GLB1L3: variants seen among roughly 807,000 people sequenced by gnomAD.
GLB1L3 encodes the protein beta-galactosidase-1-like protein 3.
GLB1L3 carries 89 observed loss-of-function variants against 89.5 expected under a neutral mutation model. The ratio of observed to expected loss-of-function variants is 0.99; its 90% CI spans 0.84 to 1.19. The LOEUF (loss-of-function observed/expected upper bound fraction) is 1.19. GLB1L3 is among the 50% of genes most tolerant of loss of function. The pLI is 0.00. For missense variants in GLB1L3, 812 were observed against 813.3 expected, an observed-to-expected ratio of 1.00 and a Z score of 0.02; for synonymous variants, 314 against 312.3, an observed-to-expected ratio of 1.01 and a Z score of -0.06.
chr11:134,285,804 G>A (rs951072329), intron 6 of GLB1L3, among the ~76,000 whole-genome samples: 1 of 152,032 alleles, frequency 6.6e-6, no homozygotes, highest in African/African-American at 2.4e-5. Flanking sequence ...TGGATTTTTA[G>A]GTAGTAGTAG....
Position 134,304,643 on chromosome 11 carries a change from TA to T in GLB1L3, c.877-2473del, listed in dbSNP as rs528304075. 2.6e-3 allele frequency among the ~76,000 whole-genome samples: 403 copies of T among 152,118 alleles called. 2 individuals carry two copies. The highest frequency in any genetic ancestry group is 9.2e-3 in the African/African-American group (384 of 41,520). On this transcript the variant is annotated intron_variant, in intron 9 of 19. Transcript: ENST00000431683. ...TTAATATTTTCTATTTTATCTGCCT[TA>T]AAAAAAATCTTTGTTAGGTAATATT...
At chr11:134,302,016 T>G (rs374758705) in intron 9 of GLB1L3, among the ~76,000 whole-genome samples, 2 of 152,236 alleles carry the variant, frequency 1.3e-5, no homozygotes, top group Non-Finnish European at 2.9e-5. Context: ...TTATCAATTT[T>G]AATCATTACG....
intron 9 of GLB1L3, among the ~76,000 whole-genome samples, chr11:134,303,604 C>G (rs1232869313): frequency 6.6e-6 from 1 of 152,230 alleles, no homozygotes; most frequent in African/African-American, 2.4e-5. Flanking sequence ...ACAAGTGCCT[C>G]AGGGCAAGCA....
rs142258022 is a variant in GLB1L3 at position 134,310,728 on chromosome 11, G to A, written c.1180+77G>A. 1,070 of 1,134,312 alleles carry A rather than the reference G, an allele frequency of 9.4e-4. 12 individuals are homozygous for A. In the African/African-American group the frequency reaches 0.014, roughly 15 times the overall value. The allele number at this position is 1,134,312 out of a possible 1,614,324, so 70.3% of individuals were successfully genotyped here. On this transcript the variant is annotated intron_variant, in intron 12 of 19. Transcript: ENST00000431683. ...TGTTCTGTGGAAAAGTGAGGAAGGC[G>A]TGGGTCTCCCTTGTGGGCAGCAGTT...
At chr11:134,280,664 G>A (rs1210038691) in intron 3 of GLB1L3, among the ~76,000 whole-genome samples, 1 of 151,850 alleles carries the variant, frequency 6.6e-6, no homozygotes, top group East Asian at 1.9e-4. Context: ...AACAAGCTAC[G>A]TTGTTAAGCT....
intron 18 of GLB1L3, 133 bp downstream of exon 18, chr11:134,314,574 G>C: frequency 1.5e-6 from 1 of 685,132 alleles, no homozygotes. Flanking sequence ...CTCCAACCAA[G>C]CCTTCCAACA....
chr11:134,318,898 A>T lies in GLB1L3; in HGVS notation c.1918A>T (p.Met640Leu), dbSNP rs1215593548. 2.5e-6 allele frequency: 4 copies of T among 1,613,060 alleles called. No individual in the cohort carries two copies. The highest frequency in any genetic ancestry group is 3.4e-6 in the Non-Finnish European group (4 of 1,179,554). Residue 640 changes from methionine to leucine, a missense_variant, in exon 20 of 20, where the codon ATG (methionine) becomes TTG (leucine). Transcript: ENST00000431683. Reference sequence around the variant, plus strand: ...TCAGGTCATCTTGTTTGAGAAGATGATGAGTGGCTCAGATATCAAATCTAC... The same window carrying T: ...TCAGGTCATCTTGTTTGAGAAGATGTTGAGTGGCTCAGATATCAAATCTAC... ...DNEVILFEKM[M>L]SGSDIKSTDK...
chr11:134,306,143 A>G, intron 9 of GLB1L3, among the ~76,000 whole-genome samples: 1 of 152,184 alleles, frequency 6.6e-6, no homozygotes, highest in Admixed American at 6.5e-5. Context: ...AAAGACCTAA[A>G]TTGTGAAATT....
At chr11:134,312,945 C>A in intron 15 of GLB1L3, 58 bp downstream of exon 15, 1 of 1,202,008 alleles carries the variant, frequency 8.3e-7, no homozygotes, top group Non-Finnish European at 1.2e-6. Context: ...CAGACGGAGC[C>A]TGGTCCTGAG....
intron 7 of GLB1L3, among the ~76,000 whole-genome samples, chr11:134,290,564 C>T (rs1941295192): frequency 1.4e-5 from 2 of 139,660 alleles, no homozygotes; most frequent in East Asian, 2.0e-4. Flanking sequence ...CAGAGTGAGA[C>T]TCGTCCCCCC....
chr11:134,310,933 G>T, intron 12 of GLB1L3, 131 bp from the exon 13 acceptor site: 1 of 707,086 alleles, frequency 1.4e-6, no homozygotes, highest in Non-Finnish European at 2.5e-6. Context: ...TCTTTGTAAA[G>T]CTCTTATACC....
intron 6 of GLB1L3, among the ~76,000 whole-genome samples, chr11:134,286,659 C>T (rs1206962804): frequency 6.6e-6 from 1 of 150,564 alleles, no homozygotes; most frequent in Non-Finnish European, 1.5e-5. Context: ...CGCCTGTAGT[C>T]CCAGCTACTC....
In GLB1L3 at chr11:134,318,913, AT is replaced by A; in HGVS notation, c.1934del (p.Ile645ThrfsTer83). The A allele has an allele frequency of 6.2e-7, 1 of 1,613,110 alleles. No individual in the cohort carries two copies. Among genetic ancestry groups the A allele is most frequent in the South Asian group, 1.1e-5 (1 of 91,026 alleles). On this transcript the variant is annotated frameshift_variant, in exon 20 of 20. Transcript: ENST00000431683. LOFTEE classifies it low-confidence loss of function (END_TRUNC). ...TGAGAAGATGATGAGTGGCTCAGATATCAAATCTACAGACAAGCCCACGCTG... is the reference window on the plus strand; with the variant it reads ...TGAGAAGATGATGAGTGGCTCAGATACAAATCTACAGACAAGCCCACGCTG... ...LFEKMMSGSD[I>X]KSTDKPTL
chr11:134,289,030 G>GGC, intron 7 of GLB1L3, 140 bp downstream of exon 7: 1 of 595,418 alleles, frequency 1.7e-6, no homozygotes, highest in South Asian at 2.4e-5. Flanking sequence ...GTGCGGAGGG[G>GGC]TGCCGGCCCA....
intron 18 of GLB1L3, among the ~76,000 whole-genome samples, chr11:134,317,975 C>T (rs1324493910): frequency 6.6e-6 from 1 of 152,154 alleles, no homozygotes; most frequent in Non-Finnish European, 1.5e-5. Flanking sequence ...GCTATAGCAA[C>T]TTCCTTTTGG....
chr11:134,293,212 A>G lies in GLB1L3; in HGVS notation c.876+3A>G, dbSNP rs1283125207. On this transcript the variant is annotated splice_donor_region_variant and intron_variant, in intron 9 of 19. Transcript: ENST00000431683. ...TCAATCAGCTTCATAAAGTCCAGGT[A>G]AGACATTTCAGACAGGCAGGGTTTT... 3.7e-6 allele frequency: 6 copies of G among 1,612,864 alleles called. No homozygotes were observed. Among genetic ancestry groups the G allele is most frequent in the South Asian group, 1.1e-5 (1 of 91,024 alleles).
downstream of GLB1L3, among the ~76,000 whole-genome samples, chr11:134,321,423 A>G (rs915545987): frequency 6.6e-6 from 1 of 152,214 alleles, no homozygotes; most frequent in Non-Finnish European, 1.5e-5. Context: ...AGAAGTAGAA[A>G]AATAAGTACA....
chr11:134,281,829 T>G (rs534655964), intron 4 of GLB1L3, among the ~76,000 whole-genome samples, 196 bp from the exon 5 acceptor site: 1 of 146,154 alleles, frequency 6.8e-6, no homozygotes, highest in Admixed American at 6.8e-5. Flanking sequence ...AGGCCCCCGA[T>G]GGGGCTGTGC....
Position 134,291,274 on chromosome 11 carries a change from T to G in GLB1L3, c.730-858T>G, listed in dbSNP as rs1213106056. On this transcript the variant is annotated intron_variant, in intron 7 of 19. Coordinates refer to ENST00000431683, the MANE Select transcript of GLB1L3 (RefSeq NM_001080407.3). ...AACCTATGCACATCCTCCCATATGC[T>G]TTTTTTTTTTTTTTCTGAGATAGTT... Among the ~76,000 whole-genome samples, 83 of 89,448 alleles carry G rather than the reference T, an allele frequency of 9.3e-4. 1 individual carries two copies. Among genetic ancestry groups the G allele is most frequent in the Admixed American group, 4.7e-3 (36 of 7,694 alleles). The allele number at this position is 89,448 out of a possible 152,430, so 58.7% of individuals were successfully genotyped here. A position where few individuals can be genotyped will look rare whatever the true frequency, so the allele number is the denominator to read the frequency against.
Sources: allele counts gnomAD v4.1 joint callset (sites outside exome capture counted in the v4.1 genomes callset), GRCh38; gene constraint gnomAD v4.1.1; transcripts MANE v1.5; gene names NCBI Gene and HGNC (gene_info 2026-07-23, HGNC 2026-07-21).